ADARB2: variants seen among roughly 807,000 people sequenced by gnomAD.
The protein encoded by ADARB2 is adenosine deaminase RNA specific B2 (inactive).
In ADARB2, 25 loss-of-function variants were observed where a neutral mutation model predicts 62.2. The ratio of observed to expected loss-of-function variants is 0.40; its 90% CI spans 0.29 to 0.56. ADARB2 has a LOEUF of 0.56. ADARB2 is among the 20% of genes least tolerant of loss of function. The pLI is 0.43. For synonymous variants in ADARB2, 572 were observed against 500.8 expected (o/e 1.14, Z -1.90); for missense variants, 1,071 against 1,077.4 (o/e 0.99, Z 0.08).
chr10:1,721,788 T>C (rs1318422315), intron 1 of ADARB2, among the ~76,000 whole-genome samples: 1 of 152,152 alleles, frequency 6.6e-6, no homozygotes, highest in Non-Finnish European at 1.5e-5. Context: ...CCCTCAGCCT[T>C]GGCCTCATCC....
chr10:1,624,333 C>T (rs767750286), intron 1 of ADARB2, among the ~76,000 whole-genome samples: 7 of 152,266 alleles, frequency 4.6e-5, no homozygotes, highest in South Asian at 4.2e-4. Flanking sequence ...CCACTAAAGA[C>T]GATTTGGGGT....
chr10:1,363,350 C>A lies in ADARB2; in HGVS notation c.755G>T (p.Gly252Val). The change falls in exon 3 of 10, where the codon GGG (glycine) becomes GTG (valine). Residue 252 changes from glycine to valine, a missense_variant. Coordinates refer to ENST00000381312, the MANE Select transcript of ADARB2 (RefSeq NM_018702.4). ...CGCGCGGCACAGCAGCCGCCGTCGC[C>A]CGTAGGCCGCGGACAGAAGCGCGGC... ...GDAALLSAAY[G>V]RRRLLCRALD... 1 of 1,275,902 alleles carries A rather than the reference C, an allele frequency of 7.8e-7. No homozygotes were observed. The highest frequency in any genetic ancestry group is 9.9e-7 in the Non-Finnish European group (1 of 1,011,834). The allele number at this position is 1,275,902 out of a possible 1,614,324, so 79.0% of individuals were successfully genotyped here.
rs1022753942 is a variant in ADARB2 at position 1,633,139 on chromosome 10, T to C, written c.100+103912A>G. 2.6e-4 allele frequency among the ~76,000 whole-genome samples: 39 copies of C among 152,186 alleles called. 1 individual carries two copies. The highest frequency in any genetic ancestry group is 1.6e-4 in the Non-Finnish European group (11 of 68,036). ...GCTTCTTCTGCCTCTGGACTCAGGC[T>C]AGGGCTACACTGTTGGCTCCCCTGG... On this transcript the variant is annotated intron_variant, in intron 1 of 9. Coordinates refer to ENST00000381312, the MANE Select transcript of ADARB2 (RefSeq NM_018702.4).
intron 3 of ADARB2, among the ~76,000 whole-genome samples, chr10:1,333,279 G>T (rs1831945653): frequency 6.6e-6 from 1 of 152,162 alleles, no homozygotes; most frequent in Non-Finnish European, 1.5e-5. Flanking sequence ...ATGCTTTGCT[G>T]GGAAGAAGCT....
chr10:1,179,555 C>T lies in ADARB2; in HGVS notation c.*3638G>A, dbSNP rs975776748. 3.9e-5 allele frequency: 6 copies of T among 152,232 alleles called. No homozygotes were observed. Among genetic ancestry groups the T allele is most frequent in the Non-Finnish European group, 7.3e-5 (5 of 68,042 alleles). The allele number at this position is 152,232 out of a possible 1,614,324, so 9.4% of individuals were successfully genotyped here. On this transcript the variant is annotated 3_prime_UTR_variant, in exon 10 of 10. Transcript: ENST00000381312. The stretch of plus-strand genomic sequence containing the variant: ...GGCCGCGCAGCCGTTCCCTGCGCCC[C>T]GTCCTGCAAAAAGGCCAGAAACCAC...
chr10:1,483,592 T>C (rs376455341), intron 1 of ADARB2, among the ~76,000 whole-genome samples: 1 of 136,338 alleles, frequency 7.3e-6, no homozygotes, highest in Admixed American at 7.1e-5. Context: ...GTCCTTTCTA[T>C]CCCAGAGTAT....
chr10:1,218,548 T>C (rs2131755415), intron 6 of ADARB2, among the ~76,000 whole-genome samples: 1 of 152,232 alleles, frequency 6.6e-6, no homozygotes, highest in Non-Finnish European at 1.5e-5. Context: ...CCCCTCACTT[T>C]CCCCCACTGA....
chr10:1,460,009 C>A (rs61834369), intron 1 of ADARB2, among the ~76,000 whole-genome samples: 3 of 60,250 alleles, frequency 5.0e-5, no homozygotes, highest in Admixed American at 1.8e-4. Context: ...AGTTTACCTG[C>A]GTAACAAACC....
intron 1 of ADARB2, among the ~76,000 whole-genome samples, chr10:1,428,867 A>C (rs1830746559): frequency 6.7e-6 from 1 of 149,794 alleles, no homozygotes; most frequent in Non-Finnish European, 1.5e-5. Flanking sequence ...ACACACGGAC[A>C]CACACACACA....
At chr10:1,575,555 T>C (rs563711772) in intron 1 of ADARB2, among the ~76,000 whole-genome samples, 35 of 152,356 alleles carry the variant, frequency 2.3e-4, no homozygotes, top group Admixed American at 2.2e-3. Flanking sequence ...CCTTCCTGTT[T>C]GCACACACTG....
At chr10:1,672,693 C>T (rs1294097018) in intron 1 of ADARB2, among the ~76,000 whole-genome samples, 1 of 151,174 alleles carries the variant, frequency 6.6e-6, no homozygotes, top group South Asian at 2.1e-4. Flanking sequence ...CTTCCCTTTC[C>T]TCCTTCCAGG....
rs1263308347 is a variant in ADARB2 at position 1,724,381 on chromosome 10, G to A, written c.100+12670C>T. Among the ~76,000 whole-genome samples, 10 of 152,342 alleles carry A rather than the reference G, an allele frequency of 6.6e-5. No homozygotes were observed. In the East Asian group the frequency reaches 1.9e-3, roughly 29 times the overall value. Reference sequence around the variant, plus strand: ...GAAGGACACTCTCACAGGATCAGGTGAAAGCACTCTTCTCCCTGAGAGGTC... The same window carrying A: ...GAAGGACACTCTCACAGGATCAGGTAAAAGCACTCTTCTCCCTGAGAGGTC... On this transcript the variant is annotated intron_variant, in intron 1 of 9. Transcript: ENST00000381312.
chr10:1,481,611 G>A (rs34362087), intron 1 of ADARB2, among the ~76,000 whole-genome samples: 40,528 of 138,586 alleles, frequency 0.29, 6,028 homozygotes, highest in East Asian at 0.56. Flanking sequence ...AGTGGCTCAC[G>A]CATCATCCCA....
At chr10:1,314,443 T>TCCTCC (rs1554753761) in intron 3 of ADARB2, among the ~76,000 whole-genome samples, 2 of 150,600 alleles carry the variant, frequency 1.3e-5, no homozygotes, top group African/African-American at 4.9e-5. Context: ...CAGCCAGTCC[T>TCCTCC]TCCTCCTCCT....
intron 1 of ADARB2, among the ~76,000 whole-genome samples, chr10:1,444,857 C>T (rs1216929502): frequency 6.7e-6 from 1 of 148,760 alleles, no homozygotes; most frequent in African/African-American, 2.5e-5. Flanking sequence ...CATTCACCAT[C>T]CATCTACATC....
chr10:1,365,125 G>T (rs1293210767), intron 2 of ADARB2, among the ~76,000 whole-genome samples: 1 of 151,988 alleles, frequency 6.6e-6, no homozygotes, highest in African/African-American at 2.4e-5. Context: ...GCCTGCCTCC[G>T]TCTCCCAAAG....
intron 1 of ADARB2, among the ~76,000 whole-genome samples, chr10:1,684,839 T>C (rs1834579878): frequency 1.3e-5 from 2 of 152,142 alleles, no homozygotes; most frequent in South Asian, 4.1e-4. Flanking sequence ...CAGGAATGCG[T>C]GAGTTCTGAG....
chr10:1,234,287 C>T (rs890415608), intron 5 of ADARB2, among the ~76,000 whole-genome samples: 1 of 151,708 alleles, frequency 6.6e-6, no homozygotes, highest in Non-Finnish European at 1.5e-5. Flanking sequence ...CTGCGCCTGG[C>T]CCCCAAGTTT....
At chr10:1,241,267 A>G (rs1368537309) in intron 5 of ADARB2, among the ~76,000 whole-genome samples, 2 of 152,176 alleles carry the variant, frequency 1.3e-5, no homozygotes, top group African/African-American at 2.4e-5. Context: ...TCAAAAAAAA[A>G]GAATGAGCTG....
Sources: allele counts gnomAD v4.1 joint callset (sites outside exome capture counted in the v4.1 genomes callset), GRCh38; gene constraint gnomAD v4.1.1; transcripts MANE v1.5; gene names NCBI Gene and HGNC (gene_info 2026-07-23, HGNC 2026-07-21).